Variants in NBDY observed in about 807,000 individuals in gnomAD.
NBDY encodes the protein P-body dissociating protein.
chrX:56,814,706 G>A (rs2069903271), intron 2 of NBDY, among the ~76,000 whole-genome samples: 1 of 110,462 alleles, frequency 9.1e-6, no homozygotes, highest in Non-Finnish European at 1.9e-5. Flanking sequence ...TGTTGGCCCG[G>A]ATGGCCTCCA....
intron 2 of NBDY, among the ~76,000 whole-genome samples, chrX:56,734,547 T>C (rs2069476844): frequency 8.9e-6 from 1 of 112,283 alleles, no homozygotes; most frequent in East Asian, 2.8e-4. Flanking sequence ...AAGATTTTAA[T>C]GTTGGCAGTT....
chrX:56,818,748 C>T lies in NBDY; in HGVS notation c.*1595C>T, dbSNP rs1299125867. ...ATAGCCAAAACAATCTTGAAGTATACAAAGTTTGAAGAGTCACATTTCCAA... is the reference window on the plus strand; with the variant it reads ...ATAGCCAAAACAATCTTGAAGTATATAAAGTTTGAAGAGTCACATTTCCAA... On this transcript the variant is annotated 3_prime_UTR_variant, in exon 3 of 3. Transcript: ENST00000374922. 9.0e-6 allele frequency: 1 copy of T among 111,410 alleles called. No individual in the cohort carries two copies. Among genetic ancestry groups the T allele is most frequent in the Non-Finnish European group, 1.9e-5 (1 of 53,035 alleles). 9.2% of individuals were successfully genotyped at this position (111,410 alleles called of 1,213,427 possible).
intron 2 of NBDY, among the ~76,000 whole-genome samples, chrX:56,760,079 G>T (rs1274137546): frequency 8.9e-6 from 1 of 112,531 alleles, no homozygotes; most frequent in Non-Finnish European, 1.9e-5. Context: ...GAGGCTGCCG[G>T]GTTGTTCTGT....
At chrX:56,808,412 A>G (rs1311968754) in intron 2 of NBDY, among the ~76,000 whole-genome samples, 2 of 112,194 alleles carry the variant, frequency 1.8e-5, no homozygotes, top group African/African-American at 3.2e-5. Flanking sequence ...TCAGTAGGCT[A>G]TTAATTGCTC....
chrX:56,741,009 G>T (rs1296650862), intron 2 of NBDY, among the ~76,000 whole-genome samples: 3 of 110,460 alleles, frequency 2.7e-5, no homozygotes, highest in Non-Finnish European at 3.8e-5. Flanking sequence ...CCCAGCCTCT[G>T]GTAACCATCT....
intron 2 of NBDY, among the ~76,000 whole-genome samples, chrX:56,813,424 C>T (rs988721550): frequency 4.5e-5 from 5 of 110,879 alleles, no homozygotes; most frequent in Non-Finnish European, 9.4e-5. Context: ...GTCTCTGCCA[C>T]GTGCCCATTT....
At chrX:56,733,444 A>G (rs1376614751) in intron 2 of NBDY, among the ~76,000 whole-genome samples, 1 of 111,206 alleles carries the variant, frequency 9.0e-6, no homozygotes, top group Non-Finnish European at 1.9e-5. Flanking sequence ...AAACTAAATA[A>G]CTCATAATTC....
At chrX:56,796,541 C>T (rs1269867189) in intron 2 of NBDY, among the ~76,000 whole-genome samples, 2 of 112,191 alleles carry the variant, frequency 1.8e-5, no homozygotes, top group Non-Finnish European at 3.8e-5. Context: ...ATTAGAAGGA[C>T]CCCAGCTGAT....
intron 2 of NBDY, among the ~76,000 whole-genome samples, chrX:56,781,301 C>T (rs1011136880): frequency 7.2e-5 from 8 of 111,860 alleles, no homozygotes; most frequent in Admixed American, 2.8e-4. Context: ...TAAGCTTTCA[C>T]GTTCCCTCCT....
rs1390506631 is a variant in NBDY at position 56,751,087 on chromosome X, T to G, written c.*166+18888T>G. On this transcript the variant is annotated intron_variant, in intron 2 of 2. Coordinates refer to ENST00000374922, the MANE Select transcript of NBDY (RefSeq NM_001348129.2). ...TATGGCATACCTCTTAATCAAGCCT[T>G]ATCTGTTGCCACCAATTCCTACACC... is the stretch of plus-strand genomic sequence containing the variant. Among the ~76,000 whole-genome samples the G allele has an allele frequency of 6.3e-5, 7 of 111,527 alleles. No individual in the cohort carries two copies. The East Asian group carries it at 2.0e-3, about 31-fold the overall frequency.
chrX:56,791,775 A>C (rs770644713), intron 2 of NBDY, among the ~76,000 whole-genome samples: 1 of 106,669 alleles, frequency 9.4e-6, no homozygotes. Flanking sequence ...TCCTCCTCCT[A>C]CTTTTTTTCT....
At position 56,764,831 on chromosome X, in the gene NBDY, G is replaced by A. The variant is rs745893267; in HGVS notation, c.*166+32632G>A. 2.0e-3 allele frequency among the ~76,000 whole-genome samples: 224 copies of A among 111,587 alleles called. 1 individual carries two copies. The highest frequency in any genetic ancestry group is 3.1e-3 in the Non-Finnish European group (162 of 53,010). On this transcript the variant is annotated intron_variant, in intron 2 of 2. Transcript: ENST00000374922. ...ATGGGGTAGGGGTGGGGGCCACAGG[G>A]AGCAGGGCAGCTTCCTGGCCCAACA...
At chrX:56,762,857 A>T (rs1046274673) in intron 2 of NBDY, among the ~76,000 whole-genome samples, 4 of 111,612 alleles carry the variant, frequency 3.6e-5, no homozygotes, top group Non-Finnish European at 7.5e-5. Flanking sequence ...AATCACAAAC[A>T]CACCCGCACA....
chrX:56,807,313 A>T (rs954442908), intron 2 of NBDY, among the ~76,000 whole-genome samples: 2 of 111,669 alleles, frequency 1.8e-5, no homozygotes, highest in South Asian at 7.5e-4. Flanking sequence ...TTTTGGTTCC[A>T]TTTGAACTTT....
chrX:56,752,040 T>C (rs1353746174), intron 2 of NBDY, among the ~76,000 whole-genome samples: 2 of 112,278 alleles, frequency 1.8e-5, no homozygotes, highest in Non-Finnish European at 3.8e-5. Flanking sequence ...AATTTCATTG[T>C]TTTCTGTGGC....
chrX:56,737,663 A>T (rs2146712954), intron 2 of NBDY: 1 of 284,535 alleles, frequency 3.5e-6, no homozygotes, highest in East Asian at 5.8e-5. Flanking sequence ...AGAATTTGGC[A>T]ATATAAAACA....
At chrX:56,747,767 A>C (rs2069564546) in intron 2 of NBDY, among the ~76,000 whole-genome samples, 1 of 111,888 alleles carries the variant, frequency 8.9e-6, no homozygotes, top group South Asian at 3.7e-4. Context: ...AAATCCCGAC[A>C]AAAAGTGATG....
At chrX:56,790,097 G>A (rs2069753094) in intron 2 of NBDY, among the ~76,000 whole-genome samples, 1 of 111,271 alleles carries the variant, frequency 9.0e-6, no homozygotes, top group South Asian at 3.8e-4. Context: ...GCCCCTTTAG[G>A]GTCTCCAGGA....
At chrX:56,741,408 G>A (rs1395389366) in intron 2 of NBDY, among the ~76,000 whole-genome samples, 1 of 111,497 alleles carries the variant, frequency 9.0e-6, no homozygotes, top group Non-Finnish European at 1.9e-5. Context: ...GTTTTTTGAG[G>A]AATCTTCAAA....
Sources: allele counts gnomAD v4.1 joint callset (sites outside exome capture counted in the v4.1 genomes callset), GRCh38; gene constraint gnomAD v4.1.1; transcripts MANE v1.5; gene names NCBI Gene and HGNC (gene_info 2026-07-23, HGNC 2026-07-21).